The following MBTD1 variants were observed in gnomAD, a reference collection of about 807,000 sequenced individuals.
MBTD1 encodes the protein MBT domain-containing protein 1.
In MBTD1, 24 loss-of-function variants were observed where a neutral mutation model predicts 87.8. The observed-to-expected ratio is 0.27, with a 90% CI of 0.20 to 0.38. The LOEUF (loss-of-function observed/expected upper bound fraction) is 0.38. MBTD1 is among the 10% of genes least tolerant of loss of function. MBTD1 has a pLI of 1.00. For missense variants in MBTD1, 436 were observed against 760.2 expected, an observed-to-expected ratio of 0.57 and a Z score of 5.02; for synonymous variants, 237 against 248.6, an observed-to-expected ratio of 0.95 and a Z score of 0.44.
chr17:51,245,840 T>C (rs1365508492), intron 2 of MBTD1, among the ~76,000 whole-genome samples: 1 of 152,186 alleles, frequency 6.6e-6, no homozygotes, highest in Non-Finnish European at 1.5e-5. Flanking sequence ...ATGTTTATTT[T>C]TCCAAGTGCA....
intron 2 of MBTD1, among the ~76,000 whole-genome samples, chr17:51,236,692 CCT>C (rs916095644): frequency 5.4e-4 from 82 of 152,172 alleles, no homozygotes; most frequent in African/African-American, 1.8e-3. Flanking sequence ...ACCTCCATCA[CCT>C]CTCTCTGTTT....
chr17:51,190,800 G>T (rs2050772602), intron 16 of MBTD1, among the ~76,000 whole-genome samples: 1 of 134,556 alleles, frequency 7.4e-6, no homozygotes, highest in South Asian at 2.3e-4. Context: ...ATGAAATATG[G>T]CCATGTGTGG....
chr17:51,189,573 A>G (rs1478898099), intron 16 of MBTD1, among the ~76,000 whole-genome samples: 1 of 152,214 alleles, frequency 6.6e-6, no homozygotes, highest in Non-Finnish European at 1.5e-5. Context: ...AACAAATCCT[A>G]CAAGAGTCAC....
intron 6 of MBTD1, among the ~76,000 whole-genome samples, chr17:51,212,748 CTTAAT>C (rs1212794170): frequency 1.3e-5 from 2 of 152,022 alleles, no homozygotes; most frequent in African/African-American, 4.8e-5. Context: ...ATGAAGAGTG[CTTAAT>C]TTATTTATCT....
rs71355731 is a variant in MBTD1, at chr17:51,177,945, TTAATAA to T, written c.*2625_*2630del. Reference sequence around the variant, plus strand: ...GAGAGGGTATTCACATCACGCAAAATTAATAATAATAATAAAAACAAACAAACACTG... The same window carrying T: ...GAGAGGGTATTCACATCACGCAAAATTAATAATAAAAACAAACAAACACTG... On this transcript the variant is annotated 3_prime_UTR_variant, in exon 17 of 17. Coordinates refer to ENST00000586178, the MANE Select transcript of MBTD1 (RefSeq NM_017643.3). The T allele has an allele frequency of 7.2e-5, 11 of 151,948 alleles. No individual in the cohort carries two copies. Among genetic ancestry groups the T allele is most frequent in the South Asian group, 4.1e-4 (2 of 4,824 alleles). 9.4% of individuals were successfully genotyped at this position (151,948 alleles called of 1,614,324 possible).
At chr17:51,222,934 G>A (rs767034684) in intron 3 of MBTD1, among the ~76,000 whole-genome samples, 13 of 151,876 alleles carry the variant, frequency 8.6e-5, no homozygotes, top group Non-Finnish European at 1.9e-4. Context: ...CTGAATAGCT[G>A]GGACTACAGG....
At chr17:51,259,759 G>A (rs1225739088) in intron 1 of MBTD1, 76 bp downstream of exon 1, 55 of 1,214,402 alleles carry the variant, frequency 4.5e-5, no homozygotes, top group Non-Finnish European at 5.0e-5. Flanking sequence ...AGGGAGCTGC[G>A]GGGTTCCTGG....
intron 3 of MBTD1, 30 bp from the exon 4 acceptor site, chr17:51,220,493 A>G (rs769698141): frequency 1.3e-6 from 2 of 1,495,432 alleles, no homozygotes; most frequent in South Asian, 2.5e-5. Flanking sequence ...CACTGGTGTT[A>G]TGATGATATA....
intron 8 of MBTD1, 133 bp from the exon 9 acceptor site, chr17:51,203,361 G>C (rs1309185940): frequency 1.3e-5 from 7 of 550,992 alleles, no homozygotes; most frequent in South Asian, 1.1e-4. Flanking sequence ...TATAGAGAAA[G>C]CAAGTATATG....
chr17:51,225,763 G>A (rs1482812589), intron 2 of MBTD1, among the ~76,000 whole-genome samples: 2 of 145,818 alleles, frequency 1.4e-5, no homozygotes, highest in Non-Finnish European at 3.0e-5. Flanking sequence ...GGGCGTGGTG[G>A]CTCATGCCTA....
intron 3 of MBTD1, among the ~76,000 whole-genome samples, chr17:51,221,460 T>C (rs1438973154): frequency 6.6e-6 from 1 of 152,164 alleles, no homozygotes; most frequent in African/African-American, 2.4e-5. Flanking sequence ...TTCACAAGAA[T>C]TGAAGTTTAA....
chr17:51,228,793 AGGCTGAGGCAGGG>A (rs1210737400), intron 2 of MBTD1, among the ~76,000 whole-genome samples: 9 of 150,806 alleles, frequency 6.0e-5, no homozygotes, highest in African/African-American at 2.2e-4. Flanking sequence ...GCTACTCGGG[AGGCTGAGGCAGGG>A]AGAAATGCTT....
At chr17:51,248,481 T>C (rs985210050) in intron 2 of MBTD1, among the ~76,000 whole-genome samples, 13 of 152,236 alleles carry the variant, frequency 8.5e-5, no homozygotes, top group Non-Finnish European at 1.6e-4. Flanking sequence ...TGTTGAACAC[T>C]TATCAAAATA....
intron 6 of MBTD1, among the ~76,000 whole-genome samples, chr17:51,211,138 T>C (rs1246025395): frequency 4.4e-5 from 2 of 45,484 alleles, no homozygotes; most frequent in African/African-American, 1.7e-4. Flanking sequence ...CTACATCTCA[T>C]AAAAAAAAAA....
intron 13 of MBTD1, among the ~76,000 whole-genome samples, chr17:51,194,967 T>C (rs757505009): frequency 2.8e-4 from 42 of 152,170 alleles, no homozygotes; most frequent in Non-Finnish European, 5.3e-4. Flanking sequence ...AGTTTGAGAA[T>C]ACCAATTCAT....
intron 2 of MBTD1, among the ~76,000 whole-genome samples, chr17:51,246,363 G>A (rs942895586): frequency 6.6e-6 from 1 of 152,194 alleles, no homozygotes; most frequent in Non-Finnish European, 1.5e-5. Flanking sequence ...GTGGTGTCAT[G>A]TCCATGCTCA....
upstream of MBTD1, among the ~76,000 whole-genome samples, chr17:51,260,323 G>C (rs1207825591): frequency 1.3e-5 from 2 of 152,242 alleles, no homozygotes; most frequent in Non-Finnish European, 2.9e-5. Flanking sequence ...CTGCGAAATT[G>C]TGTTGGAAAA....
chr17:51,255,079 G>C (rs1485567524), intron 2 of MBTD1, among the ~76,000 whole-genome samples: 1 of 152,080 alleles, frequency 6.6e-6, no homozygotes, highest in African/African-American at 2.4e-5. Flanking sequence ...TCAGGAGTTT[G>C]ACACCAGCCT....
chr17:51,208,989 C>T (rs1431481071), intron 6 of MBTD1, among the ~76,000 whole-genome samples: 1 of 152,158 alleles, frequency 6.6e-6, no homozygotes, highest in African/African-American at 2.4e-5. Context: ...GGTTGTGGTT[C>T]TGCTAGGCCC....
Sources: allele counts gnomAD v4.1 joint callset (sites outside exome capture counted in the v4.1 genomes callset), GRCh38; gene constraint gnomAD v4.1.1; transcripts MANE v1.5; gene names NCBI Gene and HGNC (gene_info 2026-07-23, HGNC 2026-07-21).